LRRC74B: variants seen among roughly 807,000 people sequenced by gnomAD.
LRRC74B encodes leucine rich repeat containing 74B, also known as leucine-rich repeat-containing protein 74B.
LRRC74B carries 30 observed loss-of-function variants against 16.6 expected under a neutral mutation model. The observed-to-expected ratio is 1.80, with a 90% CI of 1.35 to 2.45. The LOEUF (loss-of-function observed/expected upper bound fraction) is 2.45, where lower values mean the gene tolerates loss of function less well. Ranked by LOEUF, LRRC74B falls within the 30% of genes most tolerant of loss-of-function variation. The probability of loss-of-function intolerance (pLI) is 0.00; values close to 1 mark genes in which losing one functional copy is unlikely to be tolerated. For missense variants in LRRC74B, 326 were observed against 202.4 expected (o/e 1.61, Z -3.71); for synonymous variants, 134 against 86.0 (o/e 1.56, Z -3.09).
chr22:21,063,387 C>G (rs1033316812), downstream of LRRC74B: 5 of 152,024 alleles, frequency 3.3e-5, no homozygotes, highest in African/African-American at 1.2e-4. Flanking sequence ...CAGAATTTAT[C>G]AGGTCCGGAG....
intron 8 of LRRC74B, among the ~76,000 whole-genome samples, chr22:21,058,087 G>A (rs1400016261): frequency 6.7e-6 from 1 of 149,058 alleles, no homozygotes; most frequent in African/African-American, 2.5e-5. Context: ...TTTTAGTAGA[G>A]ATGGGGTTTC....
At chr22:21,050,505 C>G (rs1345382799) in intron 4 of LRRC74B, among the ~76,000 whole-genome samples, 2 of 151,558 alleles carry the variant, frequency 1.3e-5, no homozygotes, top group Non-Finnish European at 1.5e-5. Context: ...GTGGCCGGGC[C>G]CGGTGGCTCA....
chr22:21,046,424 C>T (rs1466319806), intron 1 of LRRC74B, among the ~76,000 whole-genome samples: 3 of 150,400 alleles, frequency 2.0e-5, no homozygotes, highest in African/African-American at 7.3e-5. Context: ...GTTTTTTCTC[C>T]CGTAAAATGT....
chr22:21,057,330 G>C, intron 8 of LRRC74B, 130 bp downstream of exon 8: 1 of 617,474 alleles, frequency 1.6e-6, no homozygotes, highest in Non-Finnish European at 2.9e-6. Context: ...GGCAGAAGCA[G>C]AGTTGCAACG....
intron 5 of LRRC74B, among the ~76,000 whole-genome samples, 183 bp from the exon 6 acceptor site, chr22:21,053,177 C>T (rs2148151803): frequency 6.6e-6 from 1 of 152,322 alleles, no homozygotes; most frequent in East Asian, 1.9e-4. Flanking sequence ...TGACCACCAT[C>T]ATCCAAGCTG....
chr22:21,057,124 G>T (rs905372138), exon 8 of LRRC74B: 10 of 717,334 alleles, frequency 1.4e-5, no homozygotes, highest in African/African-American at 3.5e-5. Flanking sequence ...AATCCCATGC[G>T]AAGTGAAGGC....
intron 3 of LRRC74B, chr22:21,048,372 A>G (rs1300408871): frequency 3.4e-6 from 1 of 290,822 alleles, no homozygotes; most frequent in Non-Finnish European, 6.7e-6. Flanking sequence ...CAGGTAGGCA[A>G]TGTGGGAGTT....
intron 5 of LRRC74B, among the ~76,000 whole-genome samples, chr22:21,052,596 C>T (rs1930159186): frequency 6.6e-6 from 1 of 152,208 alleles, no homozygotes; most frequent in Non-Finnish European, 1.5e-5. Flanking sequence ...GCACCTTCCC[C>T]AGACACCATA....
intron 3 of LRRC74B, 134 bp from the exon 4 acceptor site, chr22:21,048,817 C>A: frequency 1.6e-6 from 1 of 611,090 alleles, no homozygotes; most frequent in Non-Finnish European, 3.0e-6. Flanking sequence ...GAGCCAGAGC[C>A]ACCATGCAAC....
exon 1 of LRRC74B, chr22:21,046,124 A>C (rs1168098671): frequency 4.2e-6 from 3 of 716,734 alleles, no homozygotes; most frequent in Non-Finnish European, 7.8e-6. Flanking sequence ...TGGAGACGGA[A>C]GGTGCTCGGG....
At chr22:21,054,600 A>C (rs1407791187) in intron 6 of LRRC74B, among the ~76,000 whole-genome samples, 1 of 152,172 alleles carries the variant, frequency 6.6e-6, no homozygotes, top group Non-Finnish European at 1.5e-5. Flanking sequence ...AGGAGCTAAG[A>C]CTGGAGGCAG....
At chr22:21,055,024 C>A in intron 6 of LRRC74B, 74 bp from the exon 7 acceptor site, 1 of 692,030 alleles carries the variant, frequency 1.4e-6, no homozygotes. Context: ...CTCCAGTGGG[C>A]ACCCTGGGGC....
chr22:21,051,756 C>T (rs574184057), intron 4 of LRRC74B, among the ~76,000 whole-genome samples: 1 of 152,328 alleles, frequency 6.6e-6, no homozygotes, highest in Admixed American at 6.5e-5. Flanking sequence ...ATTACTCCTT[C>T]CTCACCTCAC....
At chr22:21,061,015 A>G (rs1048247708), downstream of LRRC74B, among the ~76,000 whole-genome samples, 1 of 152,178 alleles carries the variant, frequency 6.6e-6, no homozygotes, top group African/African-American at 2.4e-5. Flanking sequence ...CCAGAGATGT[A>G]TAAAAGATTG....
chr22:21,058,024 T>C (rs1342436198), intron 8 of LRRC74B, among the ~76,000 whole-genome samples: 5 of 151,506 alleles, frequency 3.3e-5, no homozygotes, highest in Non-Finnish European at 5.9e-5. Context: ...TAGCCAGGAT[T>C]ACAGATGTGT....
chr22:21,047,309 G>A (rs2148131645), intron 1 of LRRC74B, 47 bp from the exon 2 acceptor site: 1 of 704,208 alleles, frequency 1.4e-6, no homozygotes, highest in South Asian at 1.5e-5. Flanking sequence ...GGACACAGGT[G>A]GCTGTAGCTG....
intron 1 of LRRC74B, among the ~76,000 whole-genome samples, chr22:21,046,388 G>A (rs1360579005): frequency 7.2e-6 from 1 of 138,954 alleles, no homozygotes; most frequent in African/African-American, 2.6e-5. Flanking sequence ...TAAGCTAATG[G>A]ATGTATGGAA....
At chr22:21,058,835 G>A (rs1222512803) in intron 8 of LRRC74B, among the ~76,000 whole-genome samples, 1 of 152,202 alleles carries the variant, frequency 6.6e-6, no homozygotes. Flanking sequence ...ATTATCAGAA[G>A]CCCCTAGTCT....
At chr22:21,047,551 CA>C in intron 2 of LRRC74B, 53 bp downstream of exon 2, 1 of 705,854 alleles carries the variant, frequency 1.4e-6, no homozygotes, top group Non-Finnish European at 2.6e-6. Context: ...CCTCGGGAGA[CA>C]GCAGCCATGG....
Sources: allele counts gnomAD v4.1 joint callset (sites outside exome capture counted in the v4.1 genomes callset), GRCh38; gene constraint gnomAD v4.1.1; transcripts MANE v1.5; gene names NCBI Gene and HGNC (gene_info 2026-07-23, HGNC 2026-07-21).